Variants in BRWD1 observed in about 807,000 individuals in gnomAD.
BRWD1 encodes the protein bromodomain and WD repeat domain containing 1.
Under a neutral mutation model 251.2 loss-of-function variants are expected in BRWD1, and 82 were observed. The ratio of observed to expected loss-of-function variants is 0.33; its 90% CI spans 0.27 to 0.39. The LOEUF (loss-of-function observed/expected upper bound fraction) is 0.39. Among genes scored for constraint, BRWD1 ranks in the 10% least tolerant of loss-of-function variants. The probability of loss-of-function intolerance (pLI) is 1.00; values close to 1 mark genes in which losing one functional copy is unlikely to be tolerated. For missense variants in BRWD1, 2,233 were observed against 2,711.6 expected (o/e 0.82, Z 3.92); for synonymous variants, 918 against 902.8 (o/e 1.02, Z -0.30).
intron 18 of BRWD1, 98 bp from the exon 19 acceptor site, chr21:39,255,926 A>G: frequency 9.4e-7 from 1 of 1,060,432 alleles, no homozygotes; most frequent in Non-Finnish European, 1.4e-6. Flanking sequence ...GCGCACCAAA[A>G]ATAAAGAACT....
rs2031476949 is a variant in BRWD1 at position 39,190,227 on chromosome 21, AG to A, written c.*6031del. 4.2e-6 allele frequency: 4 copies of A among 945,136 alleles called. No individual in the cohort carries two copies. In the African/African-American group the frequency reaches 6.6e-5, roughly 16 times the overall value. The allele number at this position is 945,136 out of a possible 1,614,324, so 58.5% of individuals were successfully genotyped here. ...TTCAAGGATTAATCATATTCTAATTAGACTTTTTTTTAATTTTTAAGCTACC... is the reference window on the plus strand; with the variant it reads ...TTCAAGGATTAATCATATTCTAATTAACTTTTTTTTAATTTTTAAGCTACC... On this transcript the variant is annotated 3_prime_UTR_variant, in exon 41 of 41. Coordinates refer to ENST00000342449, the MANE Select transcript of BRWD1 (RefSeq NM_033656.4).
intron 18 of BRWD1, 43 bp from the exon 19 acceptor site, chr21:39,255,871 A>G: frequency 1.9e-6 from 3 of 1,552,918 alleles, no homozygotes; most frequent in Non-Finnish European, 2.7e-6. Context: ...ACACTTTTAA[A>G]CTAATATACA....
In BRWD1 at chr21:39,217,010, AATATATAT is replaced by A. The variant is rs67133519; in HGVS notation, c.3659+1134_3659+1141del. On this transcript the variant is annotated intron_variant, in intron 31 of 40. Coordinates refer to ENST00000342449, the MANE Select transcript of BRWD1 (RefSeq NM_033656.4). ...GTGGTCTTATCATTTAGCTCCCACA[AATATATAT>A]ATATATATATATATATAAATATATA... The A allele has an allele frequency of 7.7e-5, 6 of 78,148 alleles. No individual in the cohort carries two copies. In the East Asian group the frequency reaches 2.8e-3, roughly 37 times the overall value. The allele number at this position is 78,148 out of a possible 1,614,324, so 4.8% of individuals were successfully genotyped here.
intron 1 of BRWD1, among the ~76,000 whole-genome samples, chr21:39,320,673 T>C (rs2146837623): frequency 6.7e-6 from 1 of 148,746 alleles, no homozygotes; most frequent in South Asian, 2.2e-4. Flanking sequence ...ATATCTTTTT[T>C]TTTTTTTTTT....
At position 39,216,666 on chromosome 21, in the gene BRWD1, G is replaced by A. The variant is rs1372698084; in HGVS notation, c.3660-1304C>T. 10 of 391,636 alleles carry A rather than the reference G, an allele frequency of 2.6e-5. No individual in the cohort carries two copies. In the East Asian group the frequency reaches 6.5e-4, roughly 26 times the overall value. 24.3% of individuals were successfully genotyped at this position (391,636 alleles called of 1,614,324 possible). ...CAGAATCTACTCAGAACAGTTTAAG[G>A]AATTTCTTGGGACCTACAATAAACT... On this transcript the variant is annotated intron_variant, in intron 31 of 40. Transcript: ENST00000342449.
Position 39,289,355 on chromosome 21 carries a change from G to A in BRWD1, c.831+4456C>T, listed in dbSNP as rs148181702. On this transcript the variant is annotated intron_variant, in intron 8 of 40. Coordinates refer to ENST00000342449, the MANE Select transcript of BRWD1 (RefSeq NM_033656.4). ...AAGATCTCAGAATACTGAAGTTACCGCCTCCTGATACACACACTATTCATT... is the reference window on the plus strand; with the variant it reads ...AAGATCTCAGAATACTGAAGTTACCACCTCCTGATACACACACTATTCATT... Among the ~76,000 whole-genome samples, 573 of 152,166 alleles carry A rather than the reference G, an allele frequency of 3.8e-3. 4 individuals are homozygous for A. Among genetic ancestry groups the A allele is most frequent in the African/African-American group, 0.013 (542 of 41,528 alleles).
intron 19 of BRWD1, among the ~76,000 whole-genome samples, chr21:39,252,020 A>G (rs2034411129): frequency 1.3e-5 from 2 of 152,064 alleles, no homozygotes; most frequent in South Asian, 4.1e-4. Context: ...TAATCCCAGC[A>G]CTTTAGGAGG....
intron 15 of BRWD1, among the ~76,000 whole-genome samples, chr21:39,269,212 C>A (rs2035025295): frequency 6.6e-6 from 1 of 151,374 alleles, no homozygotes; most frequent in Non-Finnish European, 1.5e-5. Context: ...ACAGTAGGAT[C>A]CTCATTTGGT....
rs1197354293 is a variant in BRWD1, at chr21:39,196,440, C to T, written c.6629G>A (p.Arg2210His). 15 of 1,613,402 alleles carry T rather than the reference C, an allele frequency of 9.3e-6. No homozygotes were observed. Among genetic ancestry groups the T allele is most frequent in the African/African-American group, 5.3e-5 (4 of 74,864 alleles). Reference sequence around the variant, plus strand: ...ATTATCATCCACACTTAACCTAGGGCGTTTGCTTTGTCTTTGACGTCTCAC... The same window carrying T: ...ATTATCATCCACACTTAACCTAGGGTGTTTGCTTTGTCTTTGACGTCTCAC... ...KTVRRQRQSKRPRLSVDDNDW... is the reference protein window; with the variant it reads ...KTVRRQRQSKHPRLSVDDNDW... The change falls in exon 41 of 41, where the codon CGC becomes CAC. Residue 2210 changes from arginine to histidine, a missense_variant. By Grantham distance (29) the Arg-to-His change is conservative. Around this residue, in one of 12 missense-constraint regions of BRWD1, gnomAD observed 928 missense variants for 970.0 expected, o/e 0.96. Coordinates refer to ENST00000342449, the MANE Select transcript of BRWD1 (RefSeq NM_033656.4).
chr21:39,286,131 C>G (rs529246081), intron 8 of BRWD1, among the ~76,000 whole-genome samples: 3 of 149,502 alleles, frequency 2.0e-5, no homozygotes, highest in African/African-American at 7.4e-5. Flanking sequence ...TCTCCTGCCT[C>G]GGTCTCCCGA....
Position 39,195,416 on chromosome 21 carries a change from T to G in BRWD1, c.*843A>C, listed in dbSNP as rs1370426432. 1.0e-6 allele frequency: 1 copy of G among 985,518 alleles called. No homozygotes were observed. Among genetic ancestry groups the G allele is most frequent in the Non-Finnish European group, 1.2e-6 (1 of 829,800 alleles). The allele number at this position is 985,518 out of a possible 1,614,324, so 61.0% of individuals were successfully genotyped here. A position where few individuals can be genotyped will look rare whatever the true frequency, so the allele number is the denominator to read the frequency against. The stretch of plus-strand genomic sequence containing the variant: ...AATTCCTCTATTTCACAGAGTAAGA[T>G]TATGGAAGAGCAAGATTTTGGTTAA... On this transcript the variant is annotated 3_prime_UTR_variant, in exon 41 of 41. Coordinates refer to ENST00000342449, the MANE Select transcript of BRWD1 (RefSeq NM_033656.4).
At chr21:39,215,161 A>G in intron 32 of BRWD1, 76 bp downstream of exon 32, 2 of 1,488,126 alleles carry the variant, frequency 1.3e-6, no homozygotes, top group Non-Finnish European at 1.9e-6. Flanking sequence ...ATGAGCCACC[A>G]CGCCCGGCAA....
intron 4 of BRWD1, among the ~76,000 whole-genome samples, chr21:39,300,986 G>A (rs1337416579): frequency 6.6e-6 from 1 of 152,138 alleles, no homozygotes; most frequent in Non-Finnish European, 1.5e-5. Flanking sequence ...AGACCATCCT[G>A]GCTAACACGG....
At chr21:39,315,271 T>TG (rs2036677524), upstream of BRWD1, among the ~76,000 whole-genome samples, 1 of 151,692 alleles carries the variant, frequency 6.6e-6, no homozygotes, top group African/African-American at 2.4e-5. Context: ...CCCGAAGTGC[T>TG]GGGGATTACA....
Position 39,187,199 on chromosome 21 carries a change from T to G in BRWD1, c.*9060A>C. Reference sequence around the variant, plus strand: ...GCATTTCGATGGGGCAGTTTTCTGCTACTCTTCCTAATCCAGACATTTTCT... The same window carrying G: ...GCATTTCGATGGGGCAGTTTTCTGCGACTCTTCCTAATCCAGACATTTTCT... On this transcript the variant is annotated 3_prime_UTR_variant, in exon 41 of 41. Coordinates refer to ENST00000342449, the MANE Select transcript of BRWD1 (RefSeq NM_033656.4). 3.7e-6 allele frequency: 6 copies of G among 1,613,442 alleles called. No homozygotes were observed. Among genetic ancestry groups the G allele is most frequent in the Non-Finnish European group, 5.1e-6 (6 of 1,179,840 alleles).
rs779351290 is a variant in BRWD1, at chr21:39,199,584, G to A, written c.4832C>T (p.Ser1611Leu). ...RVYLSDSDNN[S>L]LETGEILKAR... ...TTTTAGAATTTCACCAGTCTCCAATGAATTGTTATCAGAATCACTTAAATA... is the reference window on the plus strand; with the variant it reads ...TTTTAGAATTTCACCAGTCTCCAATAAATTGTTATCAGAATCACTTAAATA... Residue 1611 changes from serine (S) to leucine (L), a missense_variant, in exon 40 of 41, where the codon TCA becomes TTA. By Grantham distance (145) the Ser-to-Leu change is moderately radical. Coordinates refer to ENST00000342449, the MANE Select transcript of BRWD1 (RefSeq NM_033656.4). 8.1e-6 allele frequency: 13 copies of A among 1,614,008 alleles called. No individual in the cohort carries two copies. Among genetic ancestry groups the A allele is most frequent in the South Asian group, 1.1e-5 (1 of 91,082 alleles).
chr21:39,296,958 T>A (rs554554688), intron 5 of BRWD1: 3 of 985,004 alleles, frequency 3.0e-6, no homozygotes, highest in Non-Finnish European at 3.6e-6. Flanking sequence ...AATACTACCA[T>A]GACTTTAGTC....
Position 39,189,536 on chromosome 21 carries a change from T to G in BRWD1, c.*6723A>C. On this transcript the variant is annotated 3_prime_UTR_variant, in exon 41 of 41. Transcript: ENST00000342449. The stretch of plus-strand genomic sequence containing the variant: ...AAAAATACTTAAGGAAATTTGAACT[T>G]CAGTAACTATGCCCAAGGGAGGGAG... The G allele has an allele frequency of 1.0e-6, 1 of 983,562 alleles. No individual in the cohort carries two copies. The highest frequency in any genetic ancestry group is 1.2e-6 in the Non-Finnish European group (1 of 828,248). The allele number at this position is 983,562 out of a possible 1,614,324, so 60.9% of individuals were successfully genotyped here. A position where few individuals can be genotyped will look rare whatever the true frequency, so the allele number is the denominator to read the frequency against.
In BRWD1 at chr21:39,209,457, G is replaced by A. The variant is rs1012659558; in HGVS notation, c.4197+538C>T. On this transcript the variant is annotated intron_variant, in intron 36 of 40. Transcript: ENST00000342449. ...GCTAGAAAAAAAAAAAAAAGAAAAAGAAAAACCCTGTGTCATAATATTAGC... is the reference window on the plus strand; with the variant it reads ...GCTAGAAAAAAAAAAAAAAGAAAAAAAAAAACCCTGTGTCATAATATTAGC... Among the ~76,000 whole-genome samples, 28 of 149,098 alleles carry A rather than the reference G, an allele frequency of 1.9e-4. No individual in the cohort carries two copies. The East Asian group carries it at 4.3e-3, about 23-fold the overall frequency.
Sources: gnomAD v4.1 joint callset for allele counts (sites outside exome capture counted in the v4.1 genomes callset) on GRCh38, gnomAD v4.1.1 for gene constraint, gnomAD v4.1.1 regional missense constraint, MANE v1.5 for transcripts, NCBI Gene and HGNC (gene_info 2026-07-23, HGNC 2026-07-21) for gene names.